SELENOT: variants seen among roughly 807,000 people sequenced by gnomAD.
SELENOT encodes the protein selenoprotein T, also known as thioredoxin reductase-like selenoprotein T.
Under a neutral mutation model 24.3 loss-of-function variants are expected in SELENOT, and 9 were observed. The observed-to-expected ratio is 0.37, with a 90% CI of 0.22 to 0.65. The LOEUF is 0.65. Ranked by LOEUF, SELENOT falls within the 30% of genes least tolerant of loss-of-function variation. The pLI, the probability that SELENOT is intolerant of heterozygous loss-of-function variation, is 0.60. For missense variants in SELENOT, 166 were observed against 247.6 expected (o/e 0.67, Z 2.21); for synonymous variants, 81 against 86.0 (o/e 0.94, Z 0.32).
intron 4 of SELENOT, among the ~76,000 whole-genome samples, chr3:150,625,782 G>C (rs948182685): frequency 5.9e-5 from 9 of 151,496 alleles, no homozygotes; most frequent in Admixed American, 1.3e-4. Flanking sequence ...TAATGTTCTT[G>C]ATTTTTATCT....
chr3:150,609,478 T>G (rs557709511), intron 1 of SELENOT, among the ~76,000 whole-genome samples: 1 of 152,222 alleles, frequency 6.6e-6, no homozygotes, highest in African/African-American at 2.4e-5. Context: ...GCCTCCCAAG[T>G]AGCTGAGATT....
At chr3:150,621,224 A>G (rs1051467747) in intron 1 of SELENOT, among the ~76,000 whole-genome samples, 1 of 152,180 alleles carries the variant, frequency 6.6e-6, no homozygotes, top group African/African-American at 2.4e-5. Context: ...GGAAATATTC[A>G]CTGTAAAGAA....
intron 1 of SELENOT, among the ~76,000 whole-genome samples, chr3:150,613,029 A>G (rs929093681): frequency 6.6e-6 from 1 of 152,236 alleles, no homozygotes; most frequent in African/African-American, 2.4e-5. Flanking sequence ...CTTCTTGAAG[A>G]TGAAAGAGTC....
In SELENOT at chr3:150,629,223, G is replaced by A. The variant is rs1726507496; in HGVS notation, c.*1594G>A. The A allele has an allele frequency of 1.3e-5, 2 of 152,224 alleles. No homozygotes were observed. Among genetic ancestry groups the A allele is most frequent in the South Asian group, 2.1e-4 (1 of 4,834 alleles). 9.4% of individuals were successfully genotyped at this position (152,224 alleles called of 1,614,324 possible). On this transcript the variant is annotated 3_prime_UTR_variant, in exon 6 of 6. Coordinates refer to ENST00000471696, the MANE Select transcript of SELENOT (RefSeq NM_016275.5). The stretch of plus-strand genomic sequence containing the variant: ...TACTGTAATCTCCAGATGCTAGGAA[G>A]TTAGTCTAATAATTCACTGCAGAAA...
At chr3:150,624,754 A>G (rs1726405045) in intron 3 of SELENOT, 58 bp from the exon 4 acceptor site, 4 of 1,101,314 alleles carry the variant, frequency 3.6e-6, no homozygotes, top group Admixed American at 5.0e-5. Context: ...AAGTAGATTA[A>G]AAAGAGCATT....
chr3:150,610,597 GTGTT>G (rs993935220), intron 1 of SELENOT, among the ~76,000 whole-genome samples: 2 of 152,102 alleles, frequency 1.3e-5, no homozygotes, highest in African/African-American at 4.8e-5. Context: ...TCTTTAATTT[GTGTT>G]TGTAATTTGT....
At chr3:150,608,852 G>C (rs1726026251) in intron 1 of SELENOT, among the ~76,000 whole-genome samples, 1 of 152,148 alleles carries the variant, frequency 6.6e-6, no homozygotes, top group African/African-American at 2.4e-5. Context: ...TGATCTTAAA[G>C]GTTTTATAAC....
chr3:150,622,582 A>T, intron 2 of SELENOT, 87 bp downstream of exon 2: 1 of 530,118 alleles, frequency 1.9e-6, no homozygotes, highest in Non-Finnish European at 3.2e-6. Context: ...GTCCTTAGTT[A>T]TTGTAATTAC....
chr3:150,612,014 C>T (rs934932144), intron 1 of SELENOT: 2 of 509,060 alleles, frequency 3.9e-6, no homozygotes, highest in Non-Finnish European at 6.8e-6. Context: ...GGCGCCGAAA[C>T]AGTGGACAGT....
At chr3:150,624,921 T>C in intron 4 of SELENOT, 22 bp downstream of exon 4, 1 of 1,357,708 alleles carries the variant, frequency 7.4e-7, no homozygotes, top group Non-Finnish European at 1.0e-6. Flanking sequence ...ATAGTTTGCA[T>C]TTTGTGATTG....
At chr3:150,627,548 C>T (rs1454792738) in intron 5 of SELENOT, 111 bp from the exon 6 acceptor site, 1 of 154,860 alleles carries the variant, frequency 6.5e-6, no homozygotes, top group African/African-American at 2.4e-5. Flanking sequence ...AATGTGTGAA[C>T]ACAGAGAGGT....
At chr3:150,615,033 G>A (rs1450223181) in intron 1 of SELENOT, among the ~76,000 whole-genome samples, 1 of 111,204 alleles carries the variant, frequency 9.0e-6, no homozygotes. Context: ...ACCCCACAAT[G>A]GTCCCCAGAG....
At chr3:150,622,263 A>T (rs1726359232) in intron 1 of SELENOT, 122 bp from the exon 2 acceptor site, 4 of 426,230 alleles carry the variant, frequency 9.4e-6, no homozygotes, top group Non-Finnish European at 1.7e-5. Context: ...TTCAATTATT[A>T]TGAATTTGTG....
intron 1 of SELENOT, among the ~76,000 whole-genome samples, chr3:150,605,448 T>TA (rs887526083): frequency 1.4e-4 from 21 of 151,346 alleles, no homozygotes; most frequent in South Asian, 8.4e-4. Context: ...AAATTAAACT[T>TA]AAAAAAAAAG....
At chr3:150,608,239 C>T (rs1418408630) in intron 1 of SELENOT, among the ~76,000 whole-genome samples, 6 of 152,058 alleles carry the variant, frequency 3.9e-5, no homozygotes, top group Admixed American at 1.3e-4. Context: ...CAGGGGAAAA[C>T]CCCCACAAAG....
chr3:150,625,613 A>G (rs1726422375), intron 4 of SELENOT, among the ~76,000 whole-genome samples: 1 of 152,156 alleles, frequency 6.6e-6, no homozygotes, highest in Non-Finnish European at 1.5e-5. Flanking sequence ...CCTATGAGCT[A>G]ATAATGTTTT....
At chr3:150,623,005 T>C (rs764472179) in intron 2 of SELENOT, 38 bp from the exon 3 acceptor site, 1 of 1,479,568 alleles carries the variant, frequency 6.8e-7, no homozygotes, top group Non-Finnish European at 9.0e-7. Flanking sequence ...GATTGGAAAT[T>C]GTGGCTTCTG....
In SELENOT at chr3:150,617,336, C is replaced by G. The variant is rs759721992; in HGVS notation, c.138-5049C>G. Among the ~76,000 whole-genome samples the G allele has an allele frequency of 1.1e-4, 16 of 152,226 alleles. 1 individual carries two copies. The highest frequency in any genetic ancestry group is 4.6e-4 in the Admixed American group (7 of 15,292). On this transcript the variant is annotated intron_variant, in intron 1 of 5. Coordinates refer to ENST00000471696, the MANE Select transcript of SELENOT (RefSeq NM_016275.5). ...CAAATTGAGGAAAGGCATGGTAACT[C>G]ATGCCTATAATCCTAGCACTTTGGG...
At chr3:150,606,531 T>A (rs1452768318) in intron 1 of SELENOT, among the ~76,000 whole-genome samples, 6 of 150,840 alleles carry the variant, frequency 4.0e-5, no homozygotes, top group African/African-American at 1.5e-4. Flanking sequence ...TGGAAAAAAA[T>A]TTATTCTGCT....
Sources: gnomAD v4.1 joint callset for allele counts (sites outside exome capture counted in the v4.1 genomes callset) on GRCh38, gnomAD v4.1.1 for gene constraint, MANE v1.5 for transcripts, NCBI Gene and HGNC (gene_info 2026-07-23, HGNC 2026-07-21) for gene names.